Variants in PRKCH observed in about 807,000 individuals in gnomAD.
PRKCH encodes protein kinase C eta, also known as protein kinase C eta type.
PRKCH carries 28 observed loss-of-function variants against 82.5 expected under a neutral mutation model. The observed-to-expected ratio is 0.34, with a 90% CI of 0.25 to 0.47. The LOEUF (loss-of-function observed/expected upper bound fraction) is 0.47, where lower values mean the gene tolerates loss of function less well. PRKCH is among the 20% of genes least tolerant of loss of function. PRKCH has a pLI of 1.00. For synonymous variants in PRKCH, 322 were observed against 327.4 expected (o/e 0.98, Z 0.18); for missense variants, 705 against 881.8 (o/e 0.80, Z 2.54).
chr14:61,221,463 G>A (rs2044655532), intron 1 of PRKCH, among the ~76,000 whole-genome samples: 1 of 151,598 alleles, frequency 6.6e-6, no homozygotes, highest in South Asian at 2.1e-4. Context: ...AAATATTGAC[G>A]TGTGCCCCCT....
intron 10 of PRKCH, among the ~76,000 whole-genome samples, chr14:61,487,608 A>G (rs1416525362): frequency 6.6e-6 from 1 of 152,112 alleles, no homozygotes; most frequent in Non-Finnish European, 1.5e-5. Flanking sequence ...ACGTTTCCAC[A>G]TGTAGTTTTA....
chr14:61,511,875 G>T (rs2139974626), intron 10 of PRKCH, among the ~76,000 whole-genome samples: 1 of 152,292 alleles, frequency 6.6e-6, no homozygotes, highest in African/African-American at 2.4e-5. Flanking sequence ...TCTGTGGGTG[G>T]ATAGAACATT....
intron 10 of PRKCH, 105 bp from the exon 11 acceptor site, chr14:61,528,970 G>A (rs1403486350): frequency 2.1e-5 from 23 of 1,112,084 alleles, no homozygotes; most frequent in Middle Eastern, 3.1e-4. Flanking sequence ...GCATGTGGCC[G>A]CACGTGTGTG....
chr14:61,266,525 G>A (rs2045102847), intron 1 of PRKCH, among the ~76,000 whole-genome samples: 1 of 152,164 alleles, frequency 6.6e-6, no homozygotes, highest in Non-Finnish European at 1.5e-5. Flanking sequence ...TTAAAAGCAA[G>A]GAACTTCTGG....
intron 1 of PRKCH, among the ~76,000 whole-genome samples, chr14:61,364,174 G>A (rs1187374342): frequency 2.0e-5 from 3 of 151,440 alleles, no homozygotes; most frequent in Non-Finnish European, 4.4e-5. Flanking sequence ...TGCCTGGCCT[G>A]GAGACACTTT....
intron 1 of PRKCH, among the ~76,000 whole-genome samples, chr14:61,215,661 G>A (rs1398612187): frequency 6.6e-6 from 1 of 152,182 alleles, no homozygotes; most frequent in African/African-American, 2.4e-5. Flanking sequence ...ATAAGTGCTT[G>A]TTATTTAATT....
intron 9 of PRKCH, 134 bp from the exon 10 acceptor site, chr14:61,485,368 T>G: frequency 3.4e-6 from 4 of 1,162,236 alleles, no homozygotes; most frequent in Non-Finnish European, 4.9e-6. Context: ...CCCTGACCCA[T>G]GGTCAGGATG....
chr14:61,196,760 C>T (rs1177108775), intron 1 of PRKCH, among the ~76,000 whole-genome samples: 1 of 152,148 alleles, frequency 6.6e-6, no homozygotes, highest in Non-Finnish European at 1.5e-5. Context: ...ACAGACAGGA[C>T]TCATGCTTTG....
intron 10 of PRKCH, among the ~76,000 whole-genome samples, chr14:61,522,741 A>G (rs1168252590): frequency 6.6e-6 from 1 of 152,200 alleles, no homozygotes; most frequent in African/African-American, 2.4e-5. Flanking sequence ...TTCTCCCACC[A>G]GACATTAACC....
chr14:61,209,310 T>TAAA (rs6145367), intron 1 of PRKCH, among the ~76,000 whole-genome samples: 4 of 92,876 alleles, frequency 4.3e-5, no homozygotes, highest in East Asian at 3.5e-4. Context: ...TGCCTTTATT[T>TAAA]AAAAAAAAAA....
chr14:61,519,928 G>A (rs1420267740), intron 10 of PRKCH, among the ~76,000 whole-genome samples: 1 of 151,714 alleles, frequency 6.6e-6, no homozygotes, highest in Non-Finnish European at 1.5e-5. Context: ...GTCTACAAAT[G>A]TGCAGGTTCT....
At chr14:61,532,741 A>G (rs988999059) in intron 12 of PRKCH, among the ~76,000 whole-genome samples, 1 of 152,214 alleles carries the variant, frequency 6.6e-6, no homozygotes, top group Admixed American at 6.5e-5. Flanking sequence ...TACACTGTCC[A>G]GTAATAGCCT....
chr14:61,493,243 G>T (rs747593107), intron 10 of PRKCH, among the ~76,000 whole-genome samples: 5 of 152,200 alleles, frequency 3.3e-5, no homozygotes, highest in Non-Finnish European at 4.4e-5. Context: ...GTCCAGCCCC[G>T]CCATGGAAGC....
intron 1 of PRKCH, among the ~76,000 whole-genome samples, chr14:61,254,231 C>T (rs2044976780): frequency 6.6e-6 from 1 of 151,974 alleles, no homozygotes; most frequent in African/African-American, 2.4e-5. Context: ...GAAAATTCCC[C>T]AAATTCTCAG....
intron 10 of PRKCH, among the ~76,000 whole-genome samples, chr14:61,508,756 G>T (rs1887257850): frequency 6.6e-6 from 1 of 152,042 alleles, no homozygotes; most frequent in South Asian, 2.1e-4. Context: ...TGAAAAACAT[G>T]GATAAGATGA....
At chr14:61,277,094 G>A (rs1473180830) in intron 1 of PRKCH, among the ~76,000 whole-genome samples, 3 of 152,118 alleles carry the variant, frequency 2.0e-5, no homozygotes, top group African/African-American at 7.2e-5. Flanking sequence ...GCTGAGACAC[G>A]AGAATCTCTT....
intron 1 of PRKCH, among the ~76,000 whole-genome samples, chr14:61,212,216 A>G (rs1388243805): frequency 6.6e-6 from 1 of 152,156 alleles, no homozygotes; most frequent in East Asian, 1.9e-4. Context: ...CTTTATAAAT[A>G]GATGTCATTA....
intron 1 of PRKCH, among the ~76,000 whole-genome samples, chr14:61,383,738 A>G (rs1180193369): frequency 1.3e-5 from 2 of 151,964 alleles, no homozygotes; most frequent in African/African-American, 4.8e-5. Context: ...TTCCAAGCAG[A>G]GAACACGGCA....
intron 10 of PRKCH, among the ~76,000 whole-genome samples, chr14:61,517,368 C>T (rs1308417421): frequency 1.3e-5 from 2 of 152,206 alleles, no homozygotes; most frequent in East Asian, 1.9e-4. Flanking sequence ...TATTTTCTGA[C>T]AATCGAATGT....
Sources: gnomAD v4.1 joint callset for allele counts (sites outside exome capture counted in the v4.1 genomes callset) on GRCh38, gnomAD v4.1.1 for gene constraint, MANE v1.5 for transcripts, NCBI Gene and HGNC (gene_info 2026-07-23, HGNC 2026-07-21) for gene names.